PIK3C2G: variants seen among roughly 807,000 people sequenced by gnomAD.
PIK3C2G encodes the protein phosphatidylinositol-4-phosphate 3-kinase catalytic subunit type 2 gamma.
In PIK3C2G, 168 loss-of-function variants were observed where a neutral mutation model predicts 181.1. That is an observed-to-expected ratio of 0.93 (90% CI 0.82 to 1.05). PIK3C2G has a LOEUF of 1.05. PIK3C2G is among the 50% of genes least tolerant of loss of function. The probability of loss-of-function intolerance (pLI) is 0.00; values close to 1 mark genes in which losing one functional copy is unlikely to be tolerated. For missense variants in PIK3C2G, 1,869 were observed against 1,732.8 expected, an observed-to-expected ratio of 1.08 and a Z score of -1.40; for synonymous variants, 573 against 592.2, an observed-to-expected ratio of 0.97 and a Z score of 0.47.
chr12:18,467,128 A>G (rs1025061925), intron 18 of PIK3C2G, among the ~76,000 whole-genome samples: 2 of 152,058 alleles, frequency 1.3e-5, no homozygotes, highest in African/African-American at 4.8e-5. Flanking sequence ...CAATGATAGG[A>G]AGCCATGCAC....
chr12:18,600,259 C>T (rs1398206122), intron 30 of PIK3C2G, among the ~76,000 whole-genome samples: 1 of 151,578 alleles, frequency 6.6e-6, no homozygotes, highest in African/African-American at 2.4e-5. Context: ...TGGAAATTTT[C>T]AGAAAACTAG....
At chr12:18,389,951 C>T (rs1943434910) in intron 14 of PIK3C2G, among the ~76,000 whole-genome samples, 1 of 152,084 alleles carries the variant, frequency 6.6e-6, no homozygotes, top group Admixed American at 6.6e-5. Flanking sequence ...AATATTTGTC[C>T]ATATAAAGAG....
intron 29 of PIK3C2G, among the ~76,000 whole-genome samples, chr12:18,592,373 T>C (rs1386054476): frequency 1.3e-5 from 2 of 151,846 alleles, no homozygotes; most frequent in Non-Finnish European, 2.9e-5. Flanking sequence ...GGAGAACATG[T>C]AATATAAAAG....
intron 1 of PIK3C2G, among the ~76,000 whole-genome samples, chr12:18,273,015 G>GAC (rs1390407526): frequency 4.7e-5 from 7 of 148,764 alleles, no homozygotes; most frequent in Non-Finnish European, 9.0e-5. Flanking sequence ...CCCATCCATA[G>GAC]ACACACACAA....
chr12:18,523,500 T>C (rs1943043129), intron 24 of PIK3C2G, among the ~76,000 whole-genome samples: 1 of 152,198 alleles, frequency 6.6e-6, no homozygotes, highest in Non-Finnish European at 1.5e-5. Context: ...ATACTTCATT[T>C]ATAGGTAATT....
intron 7 of PIK3C2G, among the ~76,000 whole-genome samples, chr12:18,324,271 C>T (rs1951238130): frequency 6.6e-6 from 1 of 151,998 alleles, no homozygotes; most frequent in African/African-American, 2.4e-5. Context: ...ATTTTCCTCC[C>T]CTTTCACTGA....
chr12:18,699,327 T>A, the PIK3C2G span, among the ~76,000 whole-genome samples: 1 of 152,282 alleles, frequency 6.6e-6, no homozygotes, highest in African/African-American at 2.4e-5. Context: ...CTGCCAGAAA[T>A]CTTTATTACC....
chr12:18,379,711 TG>T (rs1942704660), intron 13 of PIK3C2G, among the ~76,000 whole-genome samples: 1 of 152,172 alleles, frequency 6.6e-6, no homozygotes, highest in South Asian at 2.1e-4. Context: ...AGCTCATGAC[TG>T]GGGCTCCCCC....
chr12:18,536,661 A>G (rs1156991375), intron 24 of PIK3C2G, among the ~76,000 whole-genome samples: 1 of 152,054 alleles, frequency 6.6e-6, no homozygotes. Context: ...GGTGGTTTAG[A>G]GATGAAGGAT....
At chr12:18,684,446 G>A in the PIK3C2G span, among the ~76,000 whole-genome samples, 6 of 152,148 alleles carry the variant, frequency 3.9e-5, no homozygotes. Flanking sequence ...ATAATAACCA[G>A]ACAATAATGA....
chr12:18,721,551 C>T, the PIK3C2G span, among the ~76,000 whole-genome samples: 11 of 151,940 alleles, frequency 7.2e-5, no homozygotes, highest in African/African-American at 2.7e-4. Context: ...TAATTTACCA[C>T]CTGAAGTTTA....
chr12:18,610,806 A>T, intron 31 of PIK3C2G, among the ~76,000 whole-genome samples: 1 of 62,570 alleles, frequency 1.6e-5, no homozygotes, highest in Admixed American at 1.6e-4. Flanking sequence ...GAATATTAAG[A>T]AATATTAATC....
downstream of PIK3C2G, among the ~76,000 whole-genome samples, chr12:18,652,278 A>G (rs533956535): frequency 1.8e-3 from 281 of 152,270 alleles, 1 homozygote; most frequent in Non-Finnish European, 1.1e-3. Flanking sequence ...TATATGACTG[A>G]TATACTTATG....
intron 27 of PIK3C2G, 25 bp downstream of exon 27, chr12:18,562,917 A>C (rs1195874185): frequency 6.7e-7 from 1 of 1,485,596 alleles, no homozygotes; most frequent in African/African-American, 1.4e-5. Context: ...CGTCATCTTG[A>C]CTTACGTATC....
At chr12:18,592,657 G>T (rs1428459951) in intron 29 of PIK3C2G, among the ~76,000 whole-genome samples, 1 of 151,850 alleles carries the variant, frequency 6.6e-6, no homozygotes, top group Admixed American at 6.6e-5. Context: ...CACACAATTT[G>T]CAAGGGGCAT....
rs1037575817 is a variant in PIK3C2G at position 18,600,959 on chromosome 12, A to G, written c.4087+6390A>G. ...GAAAATTTTCCATATGACTTTTATG[A>G]TGCACATAAAGTATTTACACCAATA... On this transcript the variant is annotated intron_variant, in intron 30 of 32. Transcript: ENST00000538779. 1.3e-4 allele frequency among the ~76,000 whole-genome samples: 20 copies of G among 152,134 alleles called. 1 individual carries two copies. The highest frequency in any genetic ancestry group is 5.9e-5 in the Non-Finnish European group (4 of 67,974).
intron 18 of PIK3C2G, among the ~76,000 whole-genome samples, chr12:18,486,398 G>C (rs1940037173): frequency 6.6e-6 from 1 of 152,002 alleles, no homozygotes; most frequent in Non-Finnish European, 1.5e-5. Context: ...TTTCCTCCTT[G>C]AACCAGAGAG....
At chr12:18,353,944 C>T (rs1940469257) in intron 11 of PIK3C2G, among the ~76,000 whole-genome samples, 3 of 152,178 alleles carry the variant, frequency 2.0e-5, no homozygotes, top group Admixed American at 2.0e-4. Flanking sequence ...TTCTTCCATT[C>T]TCCCATCTCA....
At chr12:18,434,794 C>T (rs1350620499) in intron 18 of PIK3C2G, among the ~76,000 whole-genome samples, 1 of 152,118 alleles carries the variant, frequency 6.6e-6, no homozygotes, top group Non-Finnish European at 1.5e-5. Flanking sequence ...AGCCAATATC[C>T]ACCTTTCCAC....
Sources: gnomAD v4.1 joint callset for allele counts (sites outside exome capture counted in the v4.1 genomes callset) on GRCh38, gnomAD v4.1.1 for gene constraint, MANE v1.5 for transcripts, NCBI Gene and HGNC (gene_info 2026-07-23, HGNC 2026-07-21) for gene names.